PCMTD1: variants seen among roughly 807,000 people sequenced by gnomAD.
PCMTD1 encodes protein-L-isoaspartate O-methyltransferase domain-containing protein 1.
Under a neutral mutation model 37.6 loss-of-function variants are expected in PCMTD1, and 12 were observed. The observed-to-expected ratio is 0.32, with a 90% confidence interval of 0.20 to 0.52. The LOEUF is 0.52. Among genes scored for constraint, PCMTD1 ranks in the 20% least tolerant of loss-of-function variants. PCMTD1 has a pLI of 0.97. For synonymous variants in PCMTD1, 117 were observed against 135.8 expected (o/e 0.86, Z 0.96); for missense variants, 235 against 421.3 (o/e 0.56, Z 3.87).
upstream of PCMTD1, chr8:51,899,075 A>T: frequency 6.7e-7 from 1 of 1,498,920 alleles, no homozygotes; most frequent in Non-Finnish European, 8.8e-7. Context: ...GAGCAGCCAG[A>T]GCCTCCCGGA....
rs558489707 is a variant in PCMTD1 at position 51,876,086 on chromosome 8, T to C, written c.-95-14840A>G. Among the ~76,000 whole-genome samples, 13 of 151,378 alleles carry C rather than the reference T, an allele frequency of 8.6e-5. No homozygotes were observed. The East Asian group carries it at 2.1e-3, about 25-fold the overall frequency. On this transcript the variant is annotated intron_variant, in intron 1 of 5. Coordinates refer to ENST00000522514, the MANE Select transcript of PCMTD1 (RefSeq NM_052937.4). ...ATGCCTACCACATGCTCAATAGGTG[T>C]CGCTTCTATTACTTAATACAGAAAC...
chr8:51,832,289 T>C (rs984269692), intron 4 of PCMTD1, among the ~76,000 whole-genome samples: 4 of 152,210 alleles, frequency 2.6e-5, no homozygotes, highest in African/African-American at 7.2e-5. Flanking sequence ...AAAAAACAAA[T>C]TGTTTAACTG....
chr8:51,896,995 A>G (rs1022693877), intron 1 of PCMTD1, among the ~76,000 whole-genome samples: 7 of 152,240 alleles, frequency 4.6e-5, no homozygotes, highest in African/African-American at 1.2e-4. Flanking sequence ...GAAATATATG[A>G]GCATATTATT....
intron 2 of PCMTD1, chr8:51,849,928 C>A: frequency 1.6e-6 from 1 of 631,990 alleles, no homozygotes; most frequent in East Asian, 2.7e-5. Flanking sequence ...GAGAGTTCCA[C>A]ACTGCATTTG....
intron 1 of PCMTD1, among the ~76,000 whole-genome samples, chr8:51,891,677 T>A (rs995744598): frequency 7.4e-5 from 9 of 121,426 alleles, no homozygotes; most frequent in South Asian, 3.1e-4. Flanking sequence ...AAACAAAAAA[T>A]ATATATATAC....
chr8:51,883,767 C>T (rs2038825853), intron 1 of PCMTD1, among the ~76,000 whole-genome samples: 1 of 152,042 alleles, frequency 6.6e-6, no homozygotes, highest in South Asian at 2.1e-4. Context: ...ACAAAAGCAA[C>T]AAAATGAGGC....
chr8:51,850,902 G>A (rs1455655076), intron 2 of PCMTD1, among the ~76,000 whole-genome samples: 1 of 152,014 alleles, frequency 6.6e-6, no homozygotes, highest in Non-Finnish European at 1.5e-5. Context: ...GACAGGAATA[G>A]GTTTCACTCT....
intron 1 of PCMTD1, among the ~76,000 whole-genome samples, chr8:51,871,607 T>C (rs941634350): frequency 1.3e-5 from 2 of 152,232 alleles, no homozygotes; most frequent in African/African-American, 4.8e-5. Context: ...TGGTTCCACC[T>C]ATCTTTTCTG....
At chr8:51,851,249 A>G (rs1159565382) in intron 2 of PCMTD1, among the ~76,000 whole-genome samples, 1 of 152,212 alleles carries the variant, frequency 6.6e-6, no homozygotes, top group Non-Finnish European at 1.5e-5. Context: ...GGAATTTGCC[A>G]GAAACAAGTT....
chr8:51,833,754 A>G (rs757481591), intron 3 of PCMTD1, 65 bp from the exon 4 acceptor site: 2 of 1,339,818 alleles, frequency 1.5e-6, no homozygotes, highest in Non-Finnish European at 2.0e-6. Flanking sequence ...AATTTACCAT[A>G]ATCCAGTCCT....
chr8:51,851,356 G>A lies in PCMTD1; in HGVS notation c.308-5593C>T, dbSNP rs556787366. ...AAATATGTTTACATAAGATCTCAAA[G>A]TGTTGGTTTCACAGTTACAGAGAAT... On this transcript the variant is annotated intron_variant, in intron 2 of 5. Coordinates refer to ENST00000522514, the MANE Select transcript of PCMTD1 (RefSeq NM_052937.4). Among the ~76,000 whole-genome samples, 5 of 152,286 alleles carry A rather than the reference G, an allele frequency of 3.3e-5. No individual in the cohort carries two copies. In the South Asian group the frequency reaches 1.0e-3, roughly 32 times the overall value.
intron 1 of PCMTD1, among the ~76,000 whole-genome samples, chr8:51,893,118 A>C (rs535648312): frequency 3.3e-5 from 5 of 152,326 alleles, no homozygotes; most frequent in African/African-American, 1.2e-4. Flanking sequence ...TAGTTTGAGA[A>C]TCAGTCTCAT....
chr8:51,832,392 G>A (rs570276524), intron 4 of PCMTD1, among the ~76,000 whole-genome samples: 1 of 152,240 alleles, frequency 6.6e-6, no homozygotes, highest in African/African-American at 2.4e-5. Context: ...TCTGACAAAT[G>A]ACTTGCTACA....
intron 1 of PCMTD1, among the ~76,000 whole-genome samples, chr8:51,897,860 TG>T (rs1461766097): frequency 1.3e-5 from 2 of 152,208 alleles, no homozygotes; most frequent in African/African-American, 4.8e-5. Flanking sequence ...ATATCCATGA[TG>T]CATTGTTGGC....
chr8:51,842,807 A>C (rs2129279713), intron 3 of PCMTD1, among the ~76,000 whole-genome samples: 1 of 152,278 alleles, frequency 6.6e-6, no homozygotes, highest in African/African-American at 2.4e-5. Flanking sequence ...GGACTGATTA[A>C]AAAAGATCCA....
intron 1 of PCMTD1, among the ~76,000 whole-genome samples, chr8:51,882,937 C>T (rs1294369224): frequency 2.0e-5 from 3 of 148,640 alleles, no homozygotes; most frequent in Admixed American, 1.4e-4. Flanking sequence ...ACCATGCTTG[C>T]TAACACGGTG....
chr8:51,833,454 T>C, intron 4 of PCMTD1, 64 bp downstream of exon 4: 1 of 1,363,312 alleles, frequency 7.3e-7, no homozygotes, highest in Non-Finnish European at 1.0e-6. Flanking sequence ...TGAATAAAAT[T>C]TCTTAACCTT....
Position 51,882,943 on chromosome 8 carries a change from C to T in PCMTD1, c.-96+15987G>A, listed in dbSNP as rs140432378. Among the ~76,000 whole-genome samples the T allele has an allele frequency of 3.5e-3, 518 of 146,330 alleles. 7 individuals are homozygous for T. The East Asian group carries it at 0.039, about 11-fold the overall frequency. On this transcript the variant is annotated intron_variant, in intron 1 of 5. Coordinates refer to ENST00000522514, the MANE Select transcript of PCMTD1 (RefSeq NM_052937.4). ...GAGATAGAGACCATGCTTGCTAACACGGTGAAACTCCGTCTTTACTAAAAA... is the reference window on the plus strand; with the variant it reads ...GAGATAGAGACCATGCTTGCTAACATGGTGAAACTCCGTCTTTACTAAAAA...
intron 2 of PCMTD1, among the ~76,000 whole-genome samples, chr8:51,853,941 A>G (rs748146137): frequency 6.6e-6 from 1 of 152,214 alleles, no homozygotes; most frequent in Admixed American, 6.5e-5. Flanking sequence ...TCATAAAAGC[A>G]GTGTGAGTTT....
Sources: allele counts gnomAD v4.1 joint callset (sites outside exome capture counted in the v4.1 genomes callset), GRCh38; gene constraint gnomAD v4.1.1; transcripts MANE v1.5; gene names NCBI Gene and HGNC (gene_info 2026-07-23, HGNC 2026-07-21).